The following FBXL7 variants were observed in gnomAD, a reference collection of about 807,000 sequenced individuals.
FBXL7 encodes the protein F-box and leucine rich repeat protein 7.
In FBXL7, 12 loss-of-function variants were observed where a neutral mutation model predicts 38.3. The observed-to-expected ratio is 0.31, with a 90% CI of 0.20 to 0.51. The LOEUF (loss-of-function observed/expected upper bound fraction) is 0.51, where lower values mean the gene tolerates loss of function less well. Among genes scored for constraint, FBXL7 ranks in the 20% least tolerant of loss-of-function variants. The probability of loss-of-function intolerance (pLI) is 0.98; values close to 1 mark genes in which losing one functional copy is unlikely to be tolerated. For synonymous variants in FBXL7, 297 were observed against 300.9 expected, an observed-to-expected ratio of 0.99 and a Z score of 0.13; for missense variants, 567 against 676.4, an observed-to-expected ratio of 0.84 and a Z score of 1.79.
At chr5:15,509,130 C>A (rs980937039) in intron 1 of FBXL7, among the ~76,000 whole-genome samples, 2 of 152,290 alleles carry the variant, frequency 1.3e-5, no homozygotes, top group East Asian at 3.9e-4. Context: ...CAGACTAGAA[C>A]CATACAAAAA....
chr5:15,758,513 A>G (rs1008951360), intron 2 of FBXL7, among the ~76,000 whole-genome samples: 3 of 152,150 alleles, frequency 2.0e-5, no homozygotes, highest in Non-Finnish European at 4.4e-5. Flanking sequence ...AATGTTTTCT[A>G]AAGTGCCAAA....
In FBXL7 at chr5:15,876,038, G is replaced by A. The variant is rs528758377; in HGVS notation, c.128-51852G>A. 8.5e-5 allele frequency among the ~76,000 whole-genome samples: 13 copies of A among 152,336 alleles called. No homozygotes were observed. In the East Asian group the frequency reaches 1.7e-3, roughly 20 times the overall value. On this transcript the variant is annotated intron_variant, in intron 2 of 3. Coordinates refer to ENST00000504595, the MANE Select transcript of FBXL7 (RefSeq NM_012304.5). ...CAGTGATAGACTGGATAAAGAAAATGTGGCAAATATACACCATGGAATAAT... is the reference window on the plus strand; with the variant it reads ...CAGTGATAGACTGGATAAAGAAAATATGGCAAATATACACCATGGAATAAT...
rs1736458623 is a variant in FBXL7 at position 15,500,525 on chromosome 5, G to A, written c.-152G>A. On this transcript the variant is annotated 5_prime_UTR_variant, in exon 1 of 4. Transcript: ENST00000504595. ...GCAGCACCCCCTCCCACTGGAGTGC[G>A]GGGACCTCTCCAGGCCGGAGGTCGG... is the stretch of plus-strand genomic sequence containing the variant. The A allele has an allele frequency of 2.9e-6, 3 of 1,021,144 alleles. No homozygotes were observed. The highest frequency in any genetic ancestry group is 2.5e-5 in the South Asian group (2 of 78,994). The allele number at this position is 1,021,144 out of a possible 1,614,324, so 63.3% of individuals were successfully genotyped here.
At chr5:15,800,465 T>C (rs1323764468) in intron 2 of FBXL7, among the ~76,000 whole-genome samples, 6 of 152,168 alleles carry the variant, frequency 3.9e-5, no homozygotes, top group African/African-American at 1.4e-4. Context: ...GCTTAGGGAA[T>C]TCATGAAACA....
chr5:15,631,171 C>G (rs1740985987), intron 2 of FBXL7, among the ~76,000 whole-genome samples: 1 of 152,144 alleles, frequency 6.6e-6, no homozygotes, highest in Non-Finnish European at 1.5e-5. Flanking sequence ...AATTTACTTT[C>G]TTTTCCTGGA....
intron 2 of FBXL7, among the ~76,000 whole-genome samples, chr5:15,867,878 G>A (rs1739782345): frequency 6.6e-6 from 1 of 152,106 alleles, no homozygotes; most frequent in South Asian, 2.1e-4. Flanking sequence ...GGGTGAGGCA[G>A]GCGGATCACA....
chr5:15,811,034 T>G (rs1472458060), intron 2 of FBXL7, among the ~76,000 whole-genome samples: 1 of 152,132 alleles, frequency 6.6e-6, no homozygotes, highest in African/African-American at 2.4e-5. Flanking sequence ...ATCTCTAAAT[T>G]TATAGCTCAC....
At chr5:15,819,622 T>C (rs1738116785) in intron 2 of FBXL7, among the ~76,000 whole-genome samples, 1 of 152,042 alleles carries the variant, frequency 6.6e-6, no homozygotes, top group Non-Finnish European at 1.5e-5. Flanking sequence ...TAAAAGACAA[T>C]ATATTTCTTA....
At chr5:15,848,644 AG>A (rs935383478) in intron 2 of FBXL7, among the ~76,000 whole-genome samples, 4 of 152,076 alleles carry the variant, frequency 2.6e-5, no homozygotes, top group Non-Finnish European at 5.9e-5. Flanking sequence ...TCTCCCAAAG[AG>A]CTGGGATTAC....
chr5:15,825,149 A>G (rs907884868), intron 2 of FBXL7, among the ~76,000 whole-genome samples: 28 of 152,208 alleles, frequency 1.8e-4, no homozygotes, highest in African/African-American at 6.5e-4. Context: ...TAAAATCCAT[A>G]AGCTATGACG....
At chr5:15,588,554 T>G (rs573783905) in intron 1 of FBXL7, among the ~76,000 whole-genome samples, 77 of 152,108 alleles carry the variant, frequency 5.1e-4, no homozygotes, top group African/African-American at 1.8e-3. Flanking sequence ...GTCTGGCTAA[T>G]TTTTGTATTT....
At chr5:15,702,052 A>G (rs530263590) in intron 2 of FBXL7, among the ~76,000 whole-genome samples, 4 of 152,260 alleles carry the variant, frequency 2.6e-5, no homozygotes, top group Non-Finnish European at 5.9e-5. Context: ...AGACTGGCCA[A>G]CATGGTGAAA....
chr5:15,616,115 G>A, intron 2 of FBXL7, 43 bp downstream of exon 2: 1 of 1,413,598 alleles, frequency 7.1e-7, no homozygotes, highest in African/African-American at 1.4e-5. Flanking sequence ...TCTTCACAGG[G>A]CTGGCTATTT....
chr5:15,716,090 T>C (rs1047593865), intron 2 of FBXL7, among the ~76,000 whole-genome samples: 22 of 152,236 alleles, frequency 1.4e-4, no homozygotes, highest in African/African-American at 5.3e-4. Flanking sequence ...CATAAAAGTA[T>C]ATTTCATCAA....
At chr5:15,515,958 T>G (rs1736924649) in intron 1 of FBXL7, among the ~76,000 whole-genome samples, 1 of 152,220 alleles carries the variant, frequency 6.6e-6, no homozygotes, top group South Asian at 2.1e-4. Context: ...GATTAGCTTA[T>G]TATTATCACT....
At chr5:15,535,163 G>A (rs1447851839) in intron 1 of FBXL7, among the ~76,000 whole-genome samples, 3 of 152,144 alleles carry the variant, frequency 2.0e-5, no homozygotes, top group Admixed American at 6.5e-5. Context: ...AGAACTGTGA[G>A]TCAATTAACC....
At chr5:15,579,255 C>G (rs1042543790) in intron 1 of FBXL7, among the ~76,000 whole-genome samples, 1 of 152,264 alleles carries the variant, frequency 6.6e-6, no homozygotes, top group East Asian at 1.9e-4. Flanking sequence ...CTTACTCCCC[C>G]AGGCTGTTTT....
chr5:15,794,186 G>C (rs141967711), intron 2 of FBXL7, among the ~76,000 whole-genome samples: 1 of 152,104 alleles, frequency 6.6e-6, no homozygotes, highest in African/African-American at 2.4e-5. Context: ...GGCTAAAAGC[G>C]GAATAGACAG....
At chr5:15,591,234 C>A (rs1739464720) in intron 1 of FBXL7, among the ~76,000 whole-genome samples, 1 of 151,990 alleles carries the variant, frequency 6.6e-6, no homozygotes. Flanking sequence ...TGGAGACCAT[C>A]CTGGCTAACA....
Sources: allele counts gnomAD v4.1 joint callset (sites outside exome capture counted in the v4.1 genomes callset), GRCh38; gene constraint gnomAD v4.1.1; transcripts MANE v1.5; gene names NCBI Gene and HGNC (gene_info 2026-07-23, HGNC 2026-07-21).